VIPR2: variants seen among roughly 807,000 people sequenced by gnomAD.
VIPR2 encodes vasoactive intestinal peptide receptor 2.
Under a neutral mutation model 58.0 loss-of-function variants are expected in VIPR2, and 48 were observed. The ratio of observed to expected loss-of-function variants is 0.83; its 90% CI spans 0.66 to 1.05. The LOEUF (loss-of-function observed/expected upper bound fraction) is 1.05, where lower values mean the gene tolerates loss of function less well. Among genes scored for constraint, VIPR2 ranks in the 50% least tolerant of loss-of-function variants. The probability of loss-of-function intolerance (pLI) is 0.00; values close to 1 mark genes in which losing one functional copy is unlikely to be tolerated. For synonymous variants in VIPR2, 243 were observed against 235.2 expected (o/e 1.03, Z -0.30); for missense variants, 534 against 558.0 (o/e 0.96, Z 0.43).
At chr7:159,042,687 G>A (rs1041831791) in intron 6 of VIPR2, among the ~76,000 whole-genome samples, 2 of 152,232 alleles carry the variant, frequency 1.3e-5, no homozygotes, top group Non-Finnish European at 2.9e-5. Context: ...AAGCAACAGA[G>A]TTGTGTGTGT....
intron 2 of VIPR2, among the ~76,000 whole-genome samples, chr7:159,137,386 A>T (rs1797274590): frequency 6.6e-6 from 1 of 152,096 alleles, no homozygotes; most frequent in Non-Finnish European, 1.5e-5. Context: ...TTAAAAAAAA[A>T]TAGAGACAGC....
rs1276975354 is a variant in VIPR2, at chr7:159,031,514, A to T, written c.1143+314T>A. 56 of 984,644 alleles carry T rather than the reference A, an allele frequency of 5.7e-5. No individual in the cohort carries two copies. Among genetic ancestry groups the T allele is most frequent in the Non-Finnish European group, 6.7e-5 (56 of 829,874 alleles). 61.0% of individuals were successfully genotyped at this position (984,644 alleles called of 1,614,324 possible). ...CTCACAAGCTATGGTCAGGAGCGAGACGCCGACCATGGGGAAAAACAGATT... is the reference window on the plus strand; with the variant it reads ...CTCACAAGCTATGGTCAGGAGCGAGTCGCCGACCATGGGGAAAAACAGATT... On this transcript the variant is annotated intron_variant, in intron 12 of 12. Coordinates refer to ENST00000262178, the MANE Select transcript of VIPR2 (RefSeq NM_003382.5). The surrounding 1 kb of genome is among the most constrained non-coding windows in gnomAD (Gnocchi z 4.0).
At chr7:159,060,545 T>TA (rs2129494080) in intron 4 of VIPR2, among the ~76,000 whole-genome samples, 1 of 151,370 alleles carries the variant, frequency 6.6e-6, no homozygotes, top group Non-Finnish European at 1.5e-5. Context: ...TCACATCATC[T>TA]AACAACCACC....
At chr7:159,144,496 G>C in intron 1 of VIPR2, 9 of 1,538,150 alleles carry the variant, frequency 5.9e-6, no homozygotes, top group Non-Finnish European at 7.9e-6. Context: ...GAAGGGCGCA[G>C]GCAGCCTCCC....
intron 5 of VIPR2, among the ~76,000 whole-genome samples, chr7:159,049,835 G>A (rs1434286201): frequency 6.6e-6 from 1 of 152,168 alleles, no homozygotes; most frequent in African/African-American, 2.4e-5. Context: ...AAACCAGAGA[G>A]CACCTGGCTG....
intron 2 of VIPR2, among the ~76,000 whole-genome samples, chr7:159,111,451 T>G (rs1404727276): frequency 6.6e-6 from 1 of 151,864 alleles, no homozygotes; most frequent in Admixed American, 6.6e-5. Context: ...AGGATGAGGT[T>G]GGTGGATCAT....
At chr7:159,057,486 C>T (rs1467155956) in intron 5 of VIPR2, among the ~76,000 whole-genome samples, 2 of 152,178 alleles carry the variant, frequency 1.3e-5, no homozygotes, top group Non-Finnish European at 2.9e-5. Flanking sequence ...GATTCTCAAC[C>T]ACTCCTAACT....
chr7:159,128,921 C>G lies in VIPR2; in HGVS notation c.151+13525G>C, dbSNP rs369182522. 6.6e-6 allele frequency among the ~76,000 whole-genome samples: 1 copy of G among 152,172 alleles called. No individual in the cohort carries two copies. Among genetic ancestry groups the G allele is most frequent in the Admixed American group, 6.5e-5 (1 of 15,280 alleles). ...CTTCCATCTGCTGCACACCAAAGCC[C>G]ACCACCCTTCAAGCTCCAGGGCAAA... On this transcript the variant is annotated intron_variant, in intron 2 of 12. Coordinates refer to ENST00000262178, the MANE Select transcript of VIPR2 (RefSeq NM_003382.5). This position sits in a 1 kb window ranked among gnomAD's most constrained non-coding sequence, Gnocchi z 4.1.
At chr7:159,131,364 C>G (rs1328470349) in intron 2 of VIPR2, among the ~76,000 whole-genome samples, 2 of 152,210 alleles carry the variant, frequency 1.3e-5, no homozygotes, top group African/African-American at 4.8e-5. Context: ...ACAAGCTTGT[C>G]TTCCCAGGTG....
intron 5 of VIPR2, among the ~76,000 whole-genome samples, chr7:159,056,572 C>T (rs1333464493): frequency 2.0e-5 from 3 of 152,068 alleles, no homozygotes; most frequent in Admixed American, 2.0e-4. Flanking sequence ...CAAAGCTGGT[C>T]CTGTATTTGT....
intron 2 of VIPR2, among the ~76,000 whole-genome samples, chr7:159,112,085 T>C (rs1370595943): frequency 1.3e-5 from 2 of 152,400 alleles, no homozygotes; most frequent in East Asian, 3.8e-4. Context: ...GCAATAATTA[T>C]ATACTGTATA....
chr7:159,127,599 T>A lies in VIPR2; in HGVS notation c.151+14847A>T, dbSNP rs1054365021. ...ATCTCTGCCTAAAGAGAAGGCATCA[T>A]TGCAAATGCCTCAGAGGTGGGAGTC... is the stretch of plus-strand genomic sequence containing the variant. On this transcript the variant is annotated intron_variant, in intron 2 of 12. Coordinates refer to ENST00000262178, the MANE Select transcript of VIPR2 (RefSeq NM_003382.5). The surrounding 1 kb of genome is among the most constrained non-coding windows in gnomAD (Gnocchi z 4.6). 6.6e-6 allele frequency among the ~76,000 whole-genome samples: 1 copy of A among 152,134 alleles called. No individual in the cohort carries two copies. The highest frequency in any genetic ancestry group is 1.5e-5 in the Non-Finnish European group (1 of 68,020).
intron 4 of VIPR2, among the ~76,000 whole-genome samples, chr7:159,084,725 C>T (rs949582401): frequency 4.6e-5 from 7 of 152,276 alleles, no homozygotes; most frequent in Admixed American, 2.0e-4. Flanking sequence ...GGTGCTGGCG[C>T]GGAGTGGGGT....
intron 4 of VIPR2, among the ~76,000 whole-genome samples, chr7:159,070,748 A>G (rs1465324604): frequency 3.9e-5 from 6 of 152,264 alleles, no homozygotes; most frequent in African/African-American, 9.6e-5. Flanking sequence ...AAAGGGCTAC[A>G]TTGCAAATTA....
chr7:159,045,061 G>A lies in VIPR2; in HGVS notation c.456-1885C>T, dbSNP rs13240762. 4.7e-3 allele frequency among the ~76,000 whole-genome samples: 715 copies of A among 152,284 alleles called. 4 individuals carry two copies. The highest frequency in any genetic ancestry group is 0.014 in the Middle Eastern group (4 of 294). ...GCTGGGATTACAGGTGTGAGCCACC[G>A]CACCTGGCCTAGGTTTGAGCAGGCA... is the stretch of plus-strand genomic sequence containing the variant. On this transcript the variant is annotated intron_variant, in intron 5 of 12. Transcript: ENST00000262178.
At chr7:159,076,892 A>T (rs1856663571) in intron 4 of VIPR2, among the ~76,000 whole-genome samples, 1 of 152,218 alleles carries the variant, frequency 6.6e-6, no homozygotes, top group South Asian at 2.1e-4. Context: ...ATTACTAGTT[A>T]AGTTATCTCC....
chr7:159,128,082 C>T lies in VIPR2; in HGVS notation c.151+14364G>A, dbSNP rs934362875. On this transcript the variant is annotated intron_variant, in intron 2 of 12. Transcript: ENST00000262178. The surrounding 1 kb of genome is among the most constrained non-coding windows in gnomAD (Gnocchi z 4.1). ...CCGTGGGTCTCGGCAGGAATGGAGC[C>T]AGGTGAGGACACCTGGTAGTGGTCT... 1.3e-5 allele frequency among the ~76,000 whole-genome samples: 2 copies of T among 152,192 alleles called. No homozygotes were observed. The highest frequency in any genetic ancestry group is 4.8e-5 in the African/African-American group (2 of 41,448).
chr7:159,110,633 TA>T (rs547158624), intron 2 of VIPR2, among the ~76,000 whole-genome samples: 725 of 152,332 alleles, frequency 4.8e-3, no homozygotes, highest in Non-Finnish European at 8.6e-3. Flanking sequence ...TTGAGACCTC[TA>T]AAATTTTACC....
chr7:159,133,031 C>CATA (rs1488940713), intron 2 of VIPR2, among the ~76,000 whole-genome samples: 5 of 104,206 alleles, frequency 4.8e-5, no homozygotes, highest in Admixed American at 1.0e-4. Flanking sequence ...CAGAATGATT[C>CATA]CAAAAATGCA....
Sources: gnomAD v4.1 joint callset for allele counts (sites outside exome capture counted in the v4.1 genomes callset) on GRCh38, gnomAD v4.1.1 for gene constraint, Gnocchi (gnomAD v3.1) non-coding constraint, MANE v1.5 for transcripts, NCBI Gene and HGNC (gene_info 2026-07-23, HGNC 2026-07-21) for gene names.